ZC3H18: variants seen among roughly 807,000 people sequenced by gnomAD.
ZC3H18 encodes the protein zinc finger CCCH-type containing 18, also known as zinc finger CCCH domain-containing protein 18.
A neutral mutation model predicts 106.1 loss-of-function variants in ZC3H18; 8 were observed. That is an observed-to-expected ratio of 0.08 (90% CI 0.04 to 0.14). The LOEUF is 0.14. ZC3H18 is among the 10% of genes least tolerant of loss of function. The probability of loss-of-function intolerance (pLI) is 1.00; values close to 1 mark genes in which losing one functional copy is unlikely to be tolerated. For synonymous variants in ZC3H18, 635 were observed against 522.1 expected (o/e 1.22, Z -2.95); for missense variants, 1,318 against 1,278.4 (o/e 1.03, Z -0.47).
At position 88,600,928 on chromosome 16, in the gene ZC3H18, T is replaced by C. The variant is rs186019315; in HGVS notation, c.1088+980T>C. 3.3e-5 allele frequency among the ~76,000 whole-genome samples: 5 copies of C among 152,308 alleles called. No individual in the cohort carries two copies. The East Asian group carries it at 9.6e-4, about 29-fold the overall frequency. On this transcript the variant is annotated intron_variant, in intron 6 of 17. Coordinates refer to ENST00000301011, the MANE Select transcript of ZC3H18 (RefSeq NM_144604.4). ...CTGAGGCTTTAGCAGCCCTGTACAT[T>C]TCTGGTTGCTATTAGGGAATCATAA...
chr16:88,611,638 C>G (rs1033924318), intron 8 of ZC3H18, 102 bp downstream of exon 8: 2 of 1,458,398 alleles, frequency 1.4e-6, no homozygotes, highest in East Asian at 2.5e-5. Flanking sequence ...GCCCACAGCT[C>G]TGGAGCCCAG....
At chr16:88,629,165 C>G (rs1906508540) in intron 16 of ZC3H18, among the ~76,000 whole-genome samples, 1 of 152,074 alleles carries the variant, frequency 6.6e-6, no homozygotes, top group African/African-American at 2.4e-5. Context: ...CTGGTAAAAC[C>G]CTGTCTCTAC....
chr16:88,583,493 G>A (rs929391056), intron 2 of ZC3H18, among the ~76,000 whole-genome samples: 1 of 152,250 alleles, frequency 6.6e-6, no homozygotes, highest in African/African-American at 2.4e-5. Context: ...GGTGACTTTT[G>A]CAGATCAGGT....
At chr16:88,628,992 C>A (rs1284665784) in intron 16 of ZC3H18, 138 bp downstream of exon 16, 1 of 764,198 alleles carries the variant, frequency 1.3e-6, no homozygotes, top group East Asian at 2.7e-5. Flanking sequence ...TGATGCCTGT[C>A]GGTATTTAGG....
At chr16:88,580,572 A>G (rs1915064861) in intron 2 of ZC3H18, among the ~76,000 whole-genome samples, 1 of 152,030 alleles carries the variant, frequency 6.6e-6, no homozygotes. Context: ...GCCCAGTTCC[A>G]AGCCTGTCGT....
intron 2 of ZC3H18, 53 bp downstream of exon 2, chr16:88,577,779 T>G (rs2142536021): frequency 6.2e-7 from 1 of 1,611,156 alleles, no homozygotes; most frequent in Non-Finnish European, 8.5e-7. Flanking sequence ...CAGCCTGACA[T>G]AGACTGGTGC....
At chr16:88,622,139 T>C (rs1111433) in intron 8 of ZC3H18, 58 bp from the exon 9 acceptor site, 593,076 of 1,541,726 alleles carry the variant, frequency 0.38, 116,995 homozygotes, top group East Asian at 0.58. Context: ...CTGTCACACC[T>C]GGCATTGCTG....
intron 5 of ZC3H18, 32 bp from the exon 6 acceptor site, chr16:88,599,759 C>T (rs748245843): frequency 5.6e-6 from 9 of 1,595,292 alleles, no homozygotes; most frequent in Non-Finnish European, 7.7e-6. Flanking sequence ...GTATTCTGTT[C>T]CATGTTGACT....
rs535528300 is a variant in ZC3H18 at position 88,580,645 on chromosome 16, A to G, written c.603+2919A>G. 9.2e-5 allele frequency among the ~76,000 whole-genome samples: 14 copies of G among 152,152 alleles called. No homozygotes were observed. The South Asian group carries it at 2.9e-3, about 32-fold the overall frequency. The stretch of plus-strand genomic sequence containing the variant: ...CCTCCTGTGCCTGCCTCTTTCTCAG[A>G]GGCCCTGCTGCATTCCTGCCCCGCG... On this transcript the variant is annotated intron_variant, in intron 2 of 17. Transcript: ENST00000301011.
chr16:88,616,215 G>A (rs1181096228), intron 8 of ZC3H18, among the ~76,000 whole-genome samples: 1 of 152,230 alleles, frequency 6.6e-6, no homozygotes, highest in Non-Finnish European at 1.5e-5. Context: ...CACAGCTAGG[G>A]TTCAGGAAAC....
At chr16:88,607,681 C>G (rs1905079497) in intron 6 of ZC3H18, among the ~76,000 whole-genome samples, 1 of 152,064 alleles carries the variant, frequency 6.6e-6, no homozygotes, top group East Asian at 1.9e-4. Context: ...TTTATTCACA[C>G]ACGCTTCATG....
At chr16:88,629,200 C>T (rs1159941556) in intron 16 of ZC3H18, among the ~76,000 whole-genome samples, 2 of 152,102 alleles carry the variant, frequency 1.3e-5, no homozygotes, top group East Asian at 1.9e-4. Flanking sequence ...TTAGGCCGGG[C>T]GCGGTAGCTC....
chr16:88,581,000 G>T (rs898954576), intron 2 of ZC3H18, among the ~76,000 whole-genome samples: 1 of 152,210 alleles, frequency 6.6e-6, no homozygotes, highest in Non-Finnish European at 1.5e-5. Context: ...CCAGTCAGGA[G>T]AGGGACTGAT....
At chr16:88,614,268 CCCCTCAGAGACCTGGCAG>C (rs1466324181) in intron 8 of ZC3H18, among the ~76,000 whole-genome samples, 1 of 152,266 alleles carries the variant, frequency 6.6e-6, no homozygotes, top group African/African-American at 2.4e-5. Context: ...TTCTCATGCT[CCCCTCAGAGACCTGGCAG>C]CCATCAGGAC....
chr16:88,579,261 C>T (rs1356277351), intron 2 of ZC3H18, among the ~76,000 whole-genome samples: 3 of 152,138 alleles, frequency 2.0e-5, no homozygotes, highest in East Asian at 1.9e-4. Flanking sequence ...AAAGGAGAGA[C>T]GGTGAGATTC....
chr16:88,601,371 C>G (rs1020262937), intron 6 of ZC3H18, among the ~76,000 whole-genome samples: 10 of 152,134 alleles, frequency 6.6e-5, no homozygotes, highest in African/African-American at 2.4e-4. Context: ...CTCGTGTGCA[C>G]AGAGGTCTCT....
At chr16:88,570,760 C>T (rs2142500514) in intron 1 of ZC3H18, among the ~76,000 whole-genome samples, 194 bp downstream of exon 1, 1 of 152,062 alleles carries the variant, frequency 6.6e-6, no homozygotes, top group African/African-American at 2.4e-5. Flanking sequence ...ACCCCGAGTT[C>T]CGTCCGTAAG....
Position 88,611,359 on chromosome 16 carries a change from A to T in ZC3H18, c.1298A>T (p.Glu433Val). ...RDRERERRQR[E>V]RERERERERD... Reference sequence around the variant, plus strand: ...CGAGAGCGGGAGCGCCGGCAGAGGGAGCGCGAGCGAGAGCGGGAGCGCGAG... The same window carrying T: ...CGAGAGCGGGAGCGCCGGCAGAGGGTGCGCGAGCGAGAGCGGGAGCGCGAG... Residue 433 changes from glutamate (E) to valine (V), a missense_variant, in exon 8 of 18, where the codon GAG (glutamate) becomes GTG (valine). Physicochemically the swap from Glu to Val is moderately radical, Grantham distance 121. This residue lies in a region of ZC3H18 where 848 missense variants were observed against 821.7 expected (regional missense o/e 1.03). Coordinates refer to ENST00000301011, the MANE Select transcript of ZC3H18 (RefSeq NM_144604.4). 2.2e-6 allele frequency: 2 copies of T among 897,818 alleles called. No homozygotes were observed. The highest frequency in any genetic ancestry group is 3.6e-6 in the Non-Finnish European group (2 of 550,632). The allele number at this position is 897,818 out of a possible 1,614,324, so 55.6% of individuals were successfully genotyped here. A position where few individuals can be genotyped will look rare whatever the true frequency, so the allele number is the denominator to read the frequency against.
At chr16:88,615,208 C>T (rs74033322) in intron 8 of ZC3H18, among the ~76,000 whole-genome samples, 462 of 10,370 alleles carry the variant, frequency 0.045, 37 homozygotes, top group African/African-American at 0.14. Context: ...TTCCCTCTGC[C>T]TTTGACAGGC....
Sources: gnomAD v4.1 joint callset for allele counts (sites outside exome capture counted in the v4.1 genomes callset) on GRCh38, gnomAD v4.1.1 for gene constraint, gnomAD v4.1.1 regional missense constraint, MANE v1.5 for transcripts, NCBI Gene and HGNC (gene_info 2026-07-23, HGNC 2026-07-21) for gene names.